The following ACTR3C variants were observed in gnomAD, a reference collection of about 807,000 sequenced individuals.
The protein encoded by ACTR3C is actin related protein 3C.
In ACTR3C, 18 loss-of-function variants were observed where a neutral mutation model predicts 26.3. That is an observed-to-expected ratio of 0.68 (90% CI 0.47 to 1.01). The LOEUF (loss-of-function observed/expected upper bound fraction) is 1.01. Ranked by LOEUF, ACTR3C falls within the 50% of genes least tolerant of loss-of-function variation. ACTR3C has a pLI of 0.00. For missense variants in ACTR3C, 184 were observed against 250.7 expected, an observed-to-expected ratio of 0.73 and a Z score of 1.80; for synonymous variants, 55 against 94.5, an observed-to-expected ratio of 0.58 and a Z score of 2.42.
chr7:150,150,648 T>G, the ACTR3C span, among the ~76,000 whole-genome samples: 1 of 139,168 alleles, frequency 7.2e-6, no homozygotes, highest in African/African-American at 2.5e-5. Flanking sequence ...CCTCCTTTGC[T>G]TTTCGGTGTC....
rs142625937 is a variant in ACTR3C, at chr7:150,267,669, G to A, written c.564+17084C>T. Among the ~76,000 whole-genome samples, 15 of 152,334 alleles carry A rather than the reference G, an allele frequency of 9.8e-5. No individual in the cohort carries two copies. The East Asian group carries it at 2.9e-3, about 29-fold the overall frequency. On this transcript the variant is annotated intron_variant, in intron 6 of 7. Transcript: ENST00000683684. ...AATTTATAAACTTTATCAAAAGTAT[G>A]TATGTACAGGAAAAAAAGATCATAT...
At chr7:150,156,745 A>G in the ACTR3C span, among the ~76,000 whole-genome samples, 1 of 152,204 alleles carries the variant, frequency 6.6e-6, no homozygotes, top group Admixed American at 6.5e-5. Flanking sequence ...TATTTAATGT[A>G]GTAACATACA....
the ACTR3C span, among the ~76,000 whole-genome samples, chr7:149,915,168 G>C: frequency 1.4e-4 from 22 of 152,228 alleles, no homozygotes; most frequent in Non-Finnish European, 2.5e-4. Context: ...GAGCCACCGC[G>C]CATGGCAAAT....
chr7:150,177,253 A>G, the ACTR3C span, among the ~76,000 whole-genome samples: 1 of 150,560 alleles, frequency 6.6e-6, no homozygotes, highest in Non-Finnish European at 1.5e-5. Flanking sequence ...TTATTTATTC[A>G]TTTTGTAGTT....
At chr7:149,946,976 T>C in the ACTR3C span, among the ~76,000 whole-genome samples, 4 of 150,408 alleles carry the variant, frequency 2.7e-5, no homozygotes, top group Admixed American at 2.0e-4. Flanking sequence ...TGGGAAGCAG[T>C]GTATCTGCCT....
At chr7:150,150,883 G>C in the ACTR3C span, among the ~76,000 whole-genome samples, 2 of 136,090 alleles carry the variant, frequency 1.5e-5, no homozygotes, top group Non-Finnish European at 3.2e-5. Context: ...ACTTGCTTTT[G>C]GTTTTTAGGA....
chr7:149,973,084 C>A, the ACTR3C span, among the ~76,000 whole-genome samples: 1 of 151,646 alleles, frequency 6.6e-6, no homozygotes, highest in Non-Finnish European at 1.5e-5. Flanking sequence ...GTAAGCCCCA[C>A]GAGCGGGCAG....
chr7:150,044,146 T>C, the ACTR3C span, among the ~76,000 whole-genome samples: 1 of 152,094 alleles, frequency 6.6e-6, no homozygotes, highest in African/African-American at 2.4e-5. Context: ...AAAAAACTAC[T>C]GCTCTAATGG....
At chr7:149,948,719 C>T in the ACTR3C span, among the ~76,000 whole-genome samples, 9,396 of 148,598 alleles carry the variant, frequency 0.063, 299 homozygotes, top group African/African-American at 0.22. Flanking sequence ...GGAGGTGACT[C>T]CCTTCAGACT....
At chr7:150,091,574 T>C in the ACTR3C span, among the ~76,000 whole-genome samples, 3 of 93,258 alleles carry the variant, frequency 3.2e-5, no homozygotes, top group African/African-American at 4.1e-5. Flanking sequence ...CATCAACTTA[T>C]AGTGGAGCAA....
At chr7:150,163,578 TTA>T in the ACTR3C span, among the ~76,000 whole-genome samples, 1 of 151,964 alleles carries the variant, frequency 6.6e-6, no homozygotes, top group Non-Finnish European at 1.5e-5. Flanking sequence ...TGGAGATTTA[TTA>T]TGAGGAATAA....
At chr7:149,949,753 G>A in the ACTR3C span, among the ~76,000 whole-genome samples, 2 of 147,242 alleles carry the variant, frequency 1.4e-5, no homozygotes, top group Non-Finnish European at 2.9e-5. Flanking sequence ...GATGGAAGCA[G>A]AGTACAATGT....
chr7:150,154,101 T>A, the ACTR3C span, among the ~76,000 whole-genome samples: 303 of 142,614 alleles, frequency 2.1e-3, 1 homozygote, highest in African/African-American at 7.4e-3. Context: ...GAGGGATAGC[T>A]TTAGGACATA....
chr7:149,978,688 G>C, the ACTR3C span, among the ~76,000 whole-genome samples: 1 of 151,528 alleles, frequency 6.6e-6, no homozygotes, highest in African/African-American at 2.4e-5. Flanking sequence ...AGGAGCTGTA[G>C]ATCTGTGGTA....
At chr7:150,137,081 G>T in the ACTR3C span, among the ~76,000 whole-genome samples, 28 of 152,312 alleles carry the variant, frequency 1.8e-4, no homozygotes, top group African/African-American at 6.5e-4. Flanking sequence ...TGGGGCTTGG[G>T]CAGTCATGCT....
chr7:150,130,558 T>G, the ACTR3C span, among the ~76,000 whole-genome samples: 2 of 152,226 alleles, frequency 1.3e-5, no homozygotes, highest in African/African-American at 2.4e-5. Context: ...CACAAAAAGA[T>G]ACTCATCATT....
the ACTR3C span, among the ~76,000 whole-genome samples, chr7:150,238,891 A>G: frequency 7.5e-5 from 11 of 146,466 alleles, 1 homozygote; most frequent in Admixed American, 4.7e-4. Flanking sequence ...TGTGTAAGTT[A>G]ATTCGATGTA....
At chr7:150,244,842 C>T (rs1287107160), downstream of ACTR3C, 3 of 152,264 alleles carry the variant, frequency 2.0e-5, no homozygotes, top group African/African-American at 4.8e-5. Context: ...GCAGTACATA[C>T]AGGTCTGGCT....
the ACTR3C span, among the ~76,000 whole-genome samples, chr7:150,227,067 A>G: frequency 2.7e-4 from 40 of 148,536 alleles, no homozygotes; most frequent in Non-Finnish European, 5.3e-4. Context: ...ATATATATAC[A>G]TTGTAGAAAG....
Sources: allele counts gnomAD v4.1 joint callset (sites outside exome capture counted in the v4.1 genomes callset), GRCh38; gene constraint gnomAD v4.1.1; transcripts MANE v1.5; gene names NCBI Gene and HGNC (gene_info 2026-07-23, HGNC 2026-07-21).